Variants in XRN1 observed in about 807,000 individuals in gnomAD.
XRN1 encodes the protein 5'-3' exoribonuclease 1, also known as strand-exchange protein 1 homolog.
A neutral mutation model predicts 222.3 loss-of-function variants in XRN1; 67 were observed. The ratio of observed to expected loss-of-function variants is 0.30; its 90% CI spans 0.25 to 0.37. The LOEUF is 0.37. Among genes scored for constraint, XRN1 ranks in the 10% least tolerant of loss-of-function variants. The pLI is 1.00. For missense variants in XRN1, 1,707 were observed against 2,000.2 expected (o/e 0.85, Z 2.80); for synonymous variants, 643 against 652.4 (o/e 0.99, Z 0.22).
At chr3:142,354,450 G>C (rs1025048517) in intron 32 of XRN1, among the ~76,000 whole-genome samples, 7 of 152,094 alleles carry the variant, frequency 4.6e-5, no homozygotes, top group African/African-American at 1.2e-4. Flanking sequence ...AAAATAAACC[G>C]TTCTTCCAAA....
intron 19 of XRN1, among the ~76,000 whole-genome samples, chr3:142,398,980 A>G (rs929597832): frequency 5.9e-5 from 9 of 152,156 alleles, no homozygotes; most frequent in African/African-American, 2.2e-4. Flanking sequence ...ATACTCAGGT[A>G]TAAGTCTAAC....
At chr3:142,382,620 C>T (rs2067342932) in intron 22 of XRN1, among the ~76,000 whole-genome samples, 1 of 152,094 alleles carries the variant, frequency 6.6e-6, no homozygotes, top group South Asian at 2.1e-4. Context: ...GCCCCAGATC[C>T]AGAATCAGCA....
At chr3:142,428,155 G>A (rs1207185626) in intron 2 of XRN1, among the ~76,000 whole-genome samples, 2 of 152,216 alleles carry the variant, frequency 1.3e-5, no homozygotes, top group Non-Finnish European at 2.9e-5. Context: ...CACTTTGGGA[G>A]GCCAAGGCAG....
intron 37 of XRN1, among the ~76,000 whole-genome samples, chr3:142,326,194 G>A (rs933373346): frequency 3.3e-5 from 5 of 150,928 alleles, no homozygotes; most frequent in Admixed American, 2.6e-4. Context: ...GAATGTCATC[G>A]GTATTTTGAG....
At chr3:142,360,755 T>C (rs574993985) in intron 29 of XRN1, among the ~76,000 whole-genome samples, 2 of 151,420 alleles carry the variant, frequency 1.3e-5, no homozygotes, top group Admixed American at 1.3e-4. Context: ...GCGCCTGTTG[T>C]CCCAGCTAGT....
chr3:142,359,762 C>A (rs1456876600), intron 30 of XRN1, 100 bp downstream of exon 30: 6 of 856,178 alleles, frequency 7.0e-6, no homozygotes, highest in East Asian at 2.7e-5. Context: ...ACGTCTTACA[C>A]ATCCCACAAA....
At chr3:142,347,142 A>T in intron 33 of XRN1, 92 bp downstream of exon 33, 2 of 938,528 alleles carry the variant, frequency 2.1e-6, no homozygotes, top group Non-Finnish European at 3.2e-6. Flanking sequence ...TAATGAATTT[A>T]CTTTATGGTA....
chr3:142,434,983 A>G (rs1363245106), intron 1 of XRN1: 1 of 152,240 alleles, frequency 6.6e-6, no homozygotes, highest in African/African-American at 2.4e-5. Flanking sequence ...AGAAATCATA[A>G]AGCAAATAAA....
intron 27 of XRN1, among the ~76,000 whole-genome samples, chr3:142,366,967 A>G (rs1327927232): frequency 1.3e-5 from 2 of 152,190 alleles, no homozygotes; most frequent in African/African-American, 4.8e-5. Context: ...GCTATTCAAA[A>G]TATGATCACC....
In XRN1 at chr3:142,312,673, A is replaced by G. The variant is rs752045699; in HGVS notation, c.4707T>C (p.His1569=). The change falls in exon 40 of 41, where the codon CAT becomes CAC. Residue 1569 remains histidine (H), a synonymous_variant. Transcript: ENST00000392981. ...TGGGCATGGTCCCAGAATATAAAGT[A>G]TGATGGAAGGGCTTCCCAGGAACTG... ...SVPVPGKPFH[H]TLYSGTMPMA... 1.9e-6 allele frequency: 3 copies of G among 1,613,980 alleles called. No homozygotes were observed. The highest frequency in any genetic ancestry group is 2.5e-6 in the Non-Finnish European group (3 of 1,179,850).
chr3:142,398,900 T>C (rs2068025433), intron 19 of XRN1, among the ~76,000 whole-genome samples: 1 of 152,158 alleles, frequency 6.6e-6, no homozygotes, highest in Non-Finnish European at 1.5e-5. Context: ...ATCAATTGTA[T>C]TTTTATATAC....
intron 39 of XRN1, among the ~76,000 whole-genome samples, chr3:142,317,591 A>C (rs566111966): frequency 1.4e-4 from 22 of 152,230 alleles, no homozygotes; most frequent in South Asian, 4.1e-4. Flanking sequence ...ATATCTAGAT[A>C]GCTCCTCTAG....
intron 25 of XRN1, among the ~76,000 whole-genome samples, chr3:142,372,088 A>G (rs2067006776): frequency 6.6e-6 from 1 of 152,118 alleles, no homozygotes; most frequent in South Asian, 2.1e-4. Flanking sequence ...AGGTTTAGTA[A>G]GATTTAAAGT....
At chr3:142,441,827 C>G (rs942188404) in intron 1 of XRN1, among the ~76,000 whole-genome samples, 2 of 152,236 alleles carry the variant, frequency 1.3e-5, no homozygotes, top group Admixed American at 6.5e-5. Context: ...AGTAATTGCT[C>G]AAACCTAAGC....
At chr3:142,394,737 T>C (rs1294153568) in intron 20 of XRN1, among the ~76,000 whole-genome samples, 1 of 152,226 alleles carries the variant, frequency 6.6e-6, no homozygotes, top group Non-Finnish European at 1.5e-5. Context: ...TCATTGTTTT[T>C]ACACACAATT....
intron 37 of XRN1, among the ~76,000 whole-genome samples, chr3:142,321,541 A>G (rs1216951552): frequency 6.6e-6 from 1 of 152,160 alleles, no homozygotes; most frequent in Non-Finnish European, 1.5e-5. Flanking sequence ...GGTGCACTGA[A>G]TTTGTAGACT....
chr3:142,414,300 C>A lies in XRN1; in HGVS notation c.1437-9G>T. 1.9e-6 allele frequency: 3 copies of A among 1,546,082 alleles called. No homozygotes were observed. The highest frequency in any genetic ancestry group is 2.0e-5 in the Admixed American group (1 of 51,170). ...AATGATAAGGATAATACCTATAAAA[C>A]AAAACTGAGTTTTAAACAAGTGGCA... is the stretch of plus-strand genomic sequence containing the variant. On this transcript the variant is annotated splice_polypyrimidine_tract_variant and intron_variant, in intron 13 of 40. Transcript: ENST00000392981.
chr3:142,317,106 T>C (rs1244328312), intron 39 of XRN1, among the ~76,000 whole-genome samples: 1 of 152,214 alleles, frequency 6.6e-6, no homozygotes, highest in African/African-American at 2.4e-5. Flanking sequence ...TCTTTGTACA[T>C]ATTTCTTCTC....
chr3:142,326,907 G>T (rs2065532486), intron 37 of XRN1, among the ~76,000 whole-genome samples: 1 of 152,004 alleles, frequency 6.6e-6, no homozygotes, highest in African/African-American at 2.4e-5. Context: ...TCATTTTGTT[G>T]ATGTGTCACA....
Sources: allele counts gnomAD v4.1 joint callset (sites outside exome capture counted in the v4.1 genomes callset), GRCh38; gene constraint gnomAD v4.1.1; transcripts MANE v1.5; gene names NCBI Gene and HGNC (gene_info 2026-07-23, HGNC 2026-07-21).